The following TBCK variants were observed in gnomAD, a reference collection of about 807,000 sequenced individuals.
TBCK encodes TBC1 domain containing kinase.
In TBCK, 99 loss-of-function variants were observed where a neutral mutation model predicts 113.4. The ratio of observed to expected loss-of-function variants is 0.87; its 90% confidence interval spans 0.74 to 1.03. The LOEUF (loss-of-function observed/expected upper bound fraction) is 1.03. Ranked by LOEUF, TBCK falls within the 50% of genes least tolerant of loss-of-function variation. The pLI is 0.00. For synonymous variants in TBCK, 369 were observed against 370.8 expected (o/e 1.00, Z 0.05); for missense variants, 1,045 against 1,061.3 (o/e 0.98, Z 0.21).
At chr4:106,255,164 C>T (rs1000374342) in intron 5 of TBCK, 1 of 156,804 alleles carries the variant, frequency 6.4e-6, no homozygotes, top group Admixed American at 6.5e-5. Flanking sequence ...TTTAGGTCTT[C>T]TATAATGTCT....
chr4:106,224,573 A>G (rs764152812), intron 19 of TBCK, among the ~76,000 whole-genome samples: 4 of 152,188 alleles, frequency 2.6e-5, no homozygotes, highest in Non-Finnish European at 5.9e-5. Flanking sequence ...ACAGTAACAA[A>G]GAAGTAAACT....
chr4:106,243,332 T>A (rs577226479), intron 11 of TBCK, among the ~76,000 whole-genome samples: 1 of 152,010 alleles, frequency 6.6e-6, no homozygotes, highest in Non-Finnish European at 1.5e-5. Context: ...TAGAAAAAGA[T>A]AAAGGGAAGA....
At position 106,043,130 on chromosome 4, in the gene TBCK, T is replaced by C. The variant is rs986275531; in HGVS notation, c.*3440A>G. 2 of 152,266 alleles carry C rather than the reference T, an allele frequency of 1.3e-5. No individual in the cohort carries two copies. The highest frequency in any genetic ancestry group is 2.9e-5 in the Non-Finnish European group (2 of 68,046). The allele number at this position is 152,266 out of a possible 1,614,324, so 9.4% of individuals were successfully genotyped here. On this transcript the variant is annotated 3_prime_UTR_variant, in exon 26 of 26. Coordinates refer to ENST00000394708, the MANE Select transcript of TBCK (RefSeq NM_001163435.3). ...GTGCCTTTCAGGTCCTTTTCATTTC[T>C]GACATCAAAAAACTTCTTTCTTTCA...
chr4:106,058,006 GC>G (rs1735622443), intron 25 of TBCK, among the ~76,000 whole-genome samples: 1 of 151,638 alleles, frequency 6.6e-6, no homozygotes. Context: ...TCTCTTTAGG[GC>G]AACTTGTGCA....
At chr4:106,278,844 C>T (rs931594082) in intron 3 of TBCK, among the ~76,000 whole-genome samples, 4 of 151,682 alleles carry the variant, frequency 2.6e-5, no homozygotes, top group Non-Finnish European at 4.4e-5. Flanking sequence ...TTTAAGGATG[C>T]ATAATGTAAA....
At chr4:106,259,570 C>T (rs537997179) in intron 5 of TBCK, among the ~76,000 whole-genome samples, 1 of 151,834 alleles carries the variant, frequency 6.6e-6, no homozygotes, top group South Asian at 2.1e-4. Context: ...GGTTAAAGTG[C>T]TATTATGTAA....
At chr4:106,164,552 A>G (rs1009245586) in intron 23 of TBCK, 2 of 151,890 alleles carry the variant, frequency 1.3e-5, no homozygotes, top group Non-Finnish European at 2.9e-5. Flanking sequence ...TCAATAAATA[A>G]GAGTGAAAAA....
At chr4:106,162,045 C>A (rs112051284) in intron 23 of TBCK, among the ~76,000 whole-genome samples, 1 of 152,002 alleles carries the variant, frequency 6.6e-6, no homozygotes, top group East Asian at 1.9e-4. Context: ...CTTCTACCTA[C>A]GAGACTGTAA....
intron 17 of TBCK, among the ~76,000 whole-genome samples, chr4:106,232,390 A>C (rs774617217): frequency 2.0e-4 from 30 of 151,602 alleles, no homozygotes; most frequent in Middle Eastern, 3.2e-3. Flanking sequence ...CTGAAATATA[A>C]AAGTAGCCAC....
chr4:106,131,567 C>A (rs535957498), intron 23 of TBCK, among the ~76,000 whole-genome samples: 20 of 152,226 alleles, frequency 1.3e-4, no homozygotes, highest in Non-Finnish European at 2.1e-4. Flanking sequence ...GAGCCAAGAT[C>A]GCATCACTGC....
At chr4:106,250,117 A>C (rs1414004477) in intron 7 of TBCK, among the ~76,000 whole-genome samples, 1 of 152,148 alleles carries the variant, frequency 6.6e-6, no homozygotes, top group Non-Finnish European at 1.5e-5. Context: ...CTGCTACAGA[A>C]ATACAATTTT....
chr4:106,309,406 G>C (rs1009418059), intron 1 of TBCK, among the ~76,000 whole-genome samples: 2 of 142,514 alleles, frequency 1.4e-5, no homozygotes, highest in East Asian at 4.6e-4. Flanking sequence ...TCTGCCTCCC[G>C]GGTTCAAGCA....
intron 23 of TBCK, among the ~76,000 whole-genome samples, chr4:106,142,297 T>G (rs1366371936): frequency 1.3e-5 from 2 of 152,206 alleles, no homozygotes; most frequent in Admixed American, 1.3e-4. Context: ...GAACAAAGGA[T>G]GAAACAACAT....
At chr4:106,277,670 T>C (rs1264411892) in intron 3 of TBCK, among the ~76,000 whole-genome samples, 1 of 152,078 alleles carries the variant, frequency 6.6e-6, no homozygotes, top group Admixed American at 6.6e-5. Flanking sequence ...ATCAGAAAAG[T>C]AGTTGCTTGG....
chr4:106,287,927 G>A (rs1289924044), intron 3 of TBCK, among the ~76,000 whole-genome samples: 2 of 151,990 alleles, frequency 1.3e-5, no homozygotes, highest in Non-Finnish European at 1.5e-5. Flanking sequence ...TTTTATTGTT[G>A]TTTTAAGCCA....
At chr4:106,240,241 TATC>T (rs1759938980) in intron 12 of TBCK, among the ~76,000 whole-genome samples, 1 of 152,020 alleles carries the variant, frequency 6.6e-6, no homozygotes, top group Admixed American at 6.6e-5. Context: ...ATGCAACAAA[TATC>T]ATACTTAATT....
rs938438090 is a variant in TBCK, at chr4:106,042,114, T to C, written c.*4456A>G. ...CTGTGAAGAGGGTTTGGTCTTGACA[T>C]TGAACATCCAAACTAAAATTGATCA... is the stretch of plus-strand genomic sequence containing the variant. On this transcript the variant is annotated 3_prime_UTR_variant, in exon 26 of 26. Coordinates refer to ENST00000394708, the MANE Select transcript of TBCK (RefSeq NM_001163435.3). The C allele has an allele frequency of 6.6e-6, 1 of 152,202 alleles. No homozygotes were observed. The highest frequency in any genetic ancestry group is 2.4e-5 in the African/African-American group (1 of 41,468). The allele number at this position is 152,202 out of a possible 1,614,324, so 9.4% of individuals were successfully genotyped here. A position where few individuals can be genotyped will look rare whatever the true frequency, so the allele number is the denominator to read the frequency against.
intron 3 of TBCK, among the ~76,000 whole-genome samples, chr4:106,288,106 TA>T (rs58899758): frequency 0.031 from 4,129 of 131,902 alleles, 117 homozygotes; most frequent in African/African-American, 0.085. Flanking sequence ...AACCCTTTCT[TA>T]AAAAAAAAAA....
At chr4:106,220,909 C>T (rs983416957) in intron 19 of TBCK, among the ~76,000 whole-genome samples, 27 of 152,176 alleles carry the variant, frequency 1.8e-4, no homozygotes, top group African/African-American at 6.5e-4. Flanking sequence ...TCAACAATTA[C>T]AAGCATTCAA....
Sources: allele counts gnomAD v4.1 joint callset (sites outside exome capture counted in the v4.1 genomes callset), GRCh38; gene constraint gnomAD v4.1.1; transcripts MANE v1.5; gene names NCBI Gene and HGNC (gene_info 2026-07-23, HGNC 2026-07-21).